Variants in PALS2 observed in about 807,000 individuals in gnomAD.
PALS2 encodes the protein protein associated with LIN7 2, MAGUK p55 family member, also known as protein PALS2.
Under a neutral mutation model 61.6 loss-of-function variants are expected in PALS2, and 27 were observed. The ratio of observed to expected loss-of-function variants is 0.44; its 90% CI spans 0.32 to 0.60. PALS2 has a LOEUF of 0.60. Ranked by LOEUF, PALS2 falls within the 20% of genes least tolerant of loss-of-function variation. The pLI, the probability that PALS2 is intolerant of heterozygous loss-of-function variation, is 0.05. For synonymous variants in PALS2, 236 were observed against 218.6 expected (o/e 1.08, Z -0.70); for missense variants, 554 against 639.4 (o/e 0.87, Z 1.44).
At position 24,618,572 on chromosome 7, in the gene PALS2, A is replaced by G. The variant is rs575059875; in HGVS notation, c.-2-5094A>G. ...TGTGTGAATTCACAGCAGCTCCCCA[A>G]ACTGGGCTCAGGGCTTGCAAGGACT... is the stretch of plus-strand genomic sequence containing the variant. On this transcript the variant is annotated intron_variant, in intron 1 of 11. Transcript: ENST00000222644. This position sits in a 1 kb window ranked among gnomAD's most constrained non-coding sequence, Gnocchi z 5.1. Among the ~76,000 whole-genome samples the G allele has an allele frequency of 3.3e-5, 5 of 152,338 alleles. No homozygotes were observed. Among genetic ancestry groups the G allele is most frequent in the South Asian group, 4.1e-4 (2 of 4,828 alleles).
rs1260904891 is a variant in PALS2 at position 24,573,693 on chromosome 7, A to C, written c.-3+100A>C. On this transcript the variant is annotated intron_variant, in intron 1 of 11. Transcript: ENST00000222644. This position sits in a 1 kb window ranked among gnomAD's most constrained non-coding sequence, Gnocchi z 5.3. ...GCTCGGCGCGGCGCGCCACGCGGGG[A>C]CCCTGGCCCGCCCCGCCCCCCTCGG... 3 of 166,102 alleles carry C rather than the reference A, an allele frequency of 1.8e-5. No individual in the cohort carries two copies. The highest frequency in any genetic ancestry group is 1.7e-4 in the East Asian group (1 of 5,758). 10.3% of individuals were successfully genotyped at this position (166,102 alleles called of 1,614,324 possible). A position where few individuals can be genotyped will look rare whatever the true frequency, so the allele number is the denominator to read the frequency against.
Position 24,594,126 on chromosome 7 carries a change from T to C in PALS2, c.-3+20533T>C, listed in dbSNP as rs150175630. Among the ~76,000 whole-genome samples, 386 of 152,266 alleles carry C rather than the reference T, an allele frequency of 2.5e-3. 3 individuals are homozygous for C. Among genetic ancestry groups the C allele is most frequent in the African/African-American group, 8.8e-3 (367 of 41,562 alleles). On this transcript the variant is annotated intron_variant, in intron 1 of 11. Coordinates refer to ENST00000222644, the MANE Select transcript of PALS2 (RefSeq NM_001303037.2). ...TGCTTCACCTTACACTTTTATGTTA[T>C]GAGATGACGTCTTTCCATAGACCTC...
chr7:24,665,817 G>T, intron 7 of PALS2, 130 bp downstream of exon 7: 4 of 973,766 alleles, frequency 4.1e-6, no homozygotes, highest in Non-Finnish European at 4.6e-6. Context: ...GCTTTCTCTC[G>T]CTCATAAGTA....
Position 24,623,793 on chromosome 7 carries a change from A to C in PALS2, c.117+9A>C. On this transcript the variant is annotated intron_variant, in intron 2 of 11. Coordinates refer to ENST00000222644, the MANE Select transcript of PALS2 (RefSeq NM_001303037.2). Reference sequence around the variant, plus strand: ...TAAAATCACTTGCTAAGGTATATAGATTTATTCATAAGATTACTGAATTAT... The same window carrying C: ...TAAAATCACTTGCTAAGGTATATAGCTTTATTCATAAGATTACTGAATTAT... The C allele has an allele frequency of 6.8e-7, 1 of 1,478,846 alleles. No homozygotes were observed. Among genetic ancestry groups the C allele is most frequent in the Non-Finnish European group, 9.3e-7 (1 of 1,080,312 alleles). 91.6% of individuals were successfully genotyped at this position (1,478,846 alleles called of 1,614,324 possible).
chr7:24,606,117 T>C (rs999468313), intron 1 of PALS2, among the ~76,000 whole-genome samples: 5 of 152,188 alleles, frequency 3.3e-5, no homozygotes, highest in Non-Finnish European at 7.4e-5. Context: ...CATTCAATAA[T>C]ATCTTTTAAT....
chr7:24,652,194 TGTTA>T (rs767081151), intron 5 of PALS2, among the ~76,000 whole-genome samples: 54 of 152,290 alleles, frequency 3.5e-4, no homozygotes, highest in Non-Finnish European at 7.4e-4. Flanking sequence ...TATTATTATG[TGTTA>T]GTTGTAGTAG....
intron 5 of PALS2, among the ~76,000 whole-genome samples, chr7:24,659,311 T>C (rs779508226): frequency 6.6e-6 from 1 of 152,216 alleles, no homozygotes; most frequent in Non-Finnish European, 1.5e-5. Context: ...GATGAACATA[T>C]GTGTACATGT....
intron 5 of PALS2, among the ~76,000 whole-genome samples, chr7:24,659,199 A>G (rs139357930): frequency 0.016 from 2,450 of 152,284 alleles, 78 homozygotes; most frequent in African/African-American, 0.057. Flanking sequence ...TTATGGCTGC[A>G]TAGTATTCCA....
intron 5 of PALS2, among the ~76,000 whole-genome samples, chr7:24,650,947 A>G (rs989029067): frequency 2.0e-5 from 3 of 152,216 alleles, no homozygotes; most frequent in African/African-American, 7.2e-5. Context: ...CTGGCATAAT[A>G]GTAACCTACA....
chr7:24,648,289 C>CTTTTTTT (rs1265008724), intron 3 of PALS2, among the ~76,000 whole-genome samples: 1 of 118,746 alleles, frequency 8.4e-6, no homozygotes, highest in Non-Finnish European at 1.8e-5. Flanking sequence ...AAAAATTATT[C>CTTTTTTT]TTTTTTTTTT....
At chr7:24,598,418 G>A (rs1783598577) in intron 1 of PALS2, among the ~76,000 whole-genome samples, 1 of 152,144 alleles carries the variant, frequency 6.6e-6, no homozygotes, top group African/African-American at 2.4e-5. Flanking sequence ...CTATAGTGTT[G>A]ATGCTTGCTA....
chr7:24,683,835 A>G lies in PALS2; in HGVS notation c.1446+3315A>G, dbSNP rs112405252. Among the ~76,000 whole-genome samples the G allele has an allele frequency of 2.1e-3, 320 of 152,326 alleles. 1 individual carries two copies. The highest frequency in any genetic ancestry group is 3.8e-3 in the Non-Finnish European group (260 of 68,022). On this transcript the variant is annotated intron_variant, in intron 11 of 11. Transcript: ENST00000222644. ...TTCTGATATTTTCCAATCAAATTCAAGATTACAGGATTTTTATTTAACTTA... is the reference window on the plus strand; with the variant it reads ...TTCTGATATTTTCCAATCAAATTCAGGATTACAGGATTTTTATTTAACTTA...
chr7:24,666,119 A>C, intron 8 of PALS2, 30 bp downstream of exon 8: 2 of 1,555,660 alleles, frequency 1.3e-6, no homozygotes, highest in South Asian at 2.2e-5. Context: ...TGAGAAGTCC[A>C]AGTGAAGTAG....
chr7:24,655,697 C>T (rs1433943943), intron 5 of PALS2, among the ~76,000 whole-genome samples: 2 of 130,346 alleles, frequency 1.5e-5, no homozygotes, highest in African/African-American at 2.9e-5. Context: ...AGTGCAGTGG[C>T]GTGATCTTGG....
At chr7:24,670,577 A>T (rs1247147887) in intron 9 of PALS2, among the ~76,000 whole-genome samples, 4 of 152,122 alleles carry the variant, frequency 2.6e-5, no homozygotes, top group African/African-American at 9.7e-5. Flanking sequence ...TGTGTTTTAA[A>T]ATGTATATTT....
At chr7:24,674,296 G>A (rs953336667) in intron 9 of PALS2, 8 of 153,266 alleles carry the variant, frequency 5.2e-5, no homozygotes, top group Middle Eastern at 3.4e-3. Flanking sequence ...AGCAAGAAAT[G>A]TAGTGCCCTT....
At chr7:24,640,879 G>A (rs1027092545) in intron 2 of PALS2, among the ~76,000 whole-genome samples, 22 of 151,782 alleles carry the variant, frequency 1.4e-4, no homozygotes, top group African/African-American at 4.4e-4. Context: ...TTGGTGGCGG[G>A]TACCTGTAGT....
At chr7:24,654,553 AAATT>A (rs1228026063) in intron 5 of PALS2, among the ~76,000 whole-genome samples, 2 of 152,184 alleles carry the variant, frequency 1.3e-5, no homozygotes, top group Admixed American at 1.3e-4. Context: ...GTCTAGGAAT[AAATT>A]AACCAAAAAA....
chr7:24,660,711 C>T (rs1786673106), intron 5 of PALS2, among the ~76,000 whole-genome samples: 2 of 145,310 alleles, frequency 1.4e-5, no homozygotes, highest in Non-Finnish European at 1.5e-5. Context: ...GATGTATCTG[C>T]ATAACATAGC....
Sources: allele counts gnomAD v4.1 joint callset (sites outside exome capture counted in the v4.1 genomes callset), GRCh38; gene constraint gnomAD v4.1.1; non-coding constraint Gnocchi (gnomAD v3.1); transcripts MANE v1.5; gene names NCBI Gene and HGNC (gene_info 2026-07-23, HGNC 2026-07-21).